SLC25A16: variants seen among roughly 807,000 people sequenced by gnomAD.
SLC25A16 encodes mitochondrial coenzyme A transporter SLC25A16.
In SLC25A16, 39 loss-of-function variants were observed where a neutral mutation model predicts 41.5. The observed-to-expected ratio is 0.94, with a 90% CI of 0.73 to 1.23. The LOEUF (loss-of-function observed/expected upper bound fraction) is 1.23, where lower values mean the gene tolerates loss of function less well. Ranked by LOEUF, SLC25A16 falls within the 50% of genes most tolerant of loss-of-function variation. The pLI, the probability that SLC25A16 is intolerant of heterozygous loss-of-function variation, is 0.00. For synonymous variants in SLC25A16, 146 were observed against 147.8 expected (o/e 0.99, Z 0.09); for missense variants, 421 against 426.9 (o/e 0.99, Z 0.12).
intron 4 of SLC25A16, among the ~76,000 whole-genome samples, chr10:68,495,381 C>A (rs774152983): frequency 7.2e-5 from 11 of 152,076 alleles, no homozygotes; most frequent in Non-Finnish European, 1.3e-4. Flanking sequence ...CACCACTGCA[C>A]TCCAGCCTGG....
Position 68,480,439 on chromosome 10 carries a change from T to C in SLC25A16, c.*2993A>G, listed in dbSNP as rs2052471454. On this transcript the variant is annotated 3_prime_UTR_variant, in exon 9 of 9. Transcript: ENST00000609923. ...CTATAACATATAGAATGCAAATTTT[T>C]ATTTAAAAGATATTTGCAATCCCCT... is the stretch of plus-strand genomic sequence containing the variant. 6.6e-6 allele frequency: 1 copy of C among 152,124 alleles called. No homozygotes were observed. The highest frequency in any genetic ancestry group is 6.6e-5 in the Admixed American group (1 of 15,234). The allele number at this position is 152,124 out of a possible 1,614,324, so 9.4% of individuals were successfully genotyped here.
At chr10:68,503,089 T>C (rs1476627609) in intron 4 of SLC25A16, 2 of 152,228 alleles carry the variant, frequency 1.3e-5, no homozygotes, top group Non-Finnish European at 2.9e-5. Flanking sequence ...GGAGCAGTTA[T>C]TACTTTAGTC....
Position 68,478,525 on chromosome 10 carries a change from C to T in SLC25A16, c.*4907G>A, listed in dbSNP as rs1411355663. The T allele has an allele frequency of 6.6e-6, 1 of 151,852 alleles. No individual in the cohort carries two copies. Among genetic ancestry groups the T allele is most frequent in the East Asian group, 1.9e-4 (1 of 5,184 alleles). 9.4% of individuals were successfully genotyped at this position (151,852 alleles called of 1,614,324 possible). On this transcript the variant is annotated 3_prime_UTR_variant, in exon 9 of 9. Transcript: ENST00000609923. ...TGGGGAAAAAAAATAAATAATTATA[C>T]ATAGGGTTTTTTAAAAAAACATTTT...
intron 1 of SLC25A16, among the ~76,000 whole-genome samples, chr10:68,525,505 G>A (rs1049999149): frequency 6.6e-6 from 1 of 152,140 alleles, no homozygotes; most frequent in South Asian, 2.1e-4. Context: ...TCAGGCTGGA[G>A]GGTAGTGGTG....
At chr10:68,508,395 G>A (rs895090920) in intron 2 of SLC25A16, among the ~76,000 whole-genome samples, 2 of 115,952 alleles carry the variant, frequency 1.7e-5, no homozygotes, top group Non-Finnish European at 3.4e-5. Context: ...GAGAGTAACA[G>A]GAAGCTTTAA....
intron 2 of SLC25A16, among the ~76,000 whole-genome samples, chr10:68,511,115 G>T (rs777682619): frequency 3.3e-5 from 5 of 151,892 alleles, no homozygotes; most frequent in Non-Finnish European, 7.4e-5. Flanking sequence ...GCAGGCACTT[G>T]TAATTCCAGC....
intron 4 of SLC25A16, among the ~76,000 whole-genome samples, chr10:68,497,874 C>T (rs977971592): frequency 2.0e-5 from 3 of 151,892 alleles, no homozygotes; most frequent in Admixed American, 6.6e-5. Flanking sequence ...GCTTGACCTC[C>T]CAAAATGCTA....
In SLC25A16 at chr10:68,523,175, C is replaced by T. The variant is rs574853853; in HGVS notation, c.130+4071G>A. Among the ~76,000 whole-genome samples the T allele has an allele frequency of 7.9e-5, 12 of 152,148 alleles. No individual in the cohort carries two copies. In the East Asian group the frequency reaches 1.2e-3, roughly 15 times the overall value. ...TGCGATCTGGGCTTACTGCGACCTC[C>T]GCCTCTCGCGTTCAAGTGATTCTCC... On this transcript the variant is annotated intron_variant, in intron 1 of 8. Transcript: ENST00000609923.
At chr10:68,499,668 C>T in intron 4 of SLC25A16, 1 of 359,930 alleles carries the variant, frequency 2.8e-6, no homozygotes, top group Non-Finnish European at 5.5e-6. Context: ...AATGTGTGAT[C>T]CATGCCCATC....
chr10:68,498,323 CTTT>C (rs55736260), intron 4 of SLC25A16, among the ~76,000 whole-genome samples: 3 of 140,276 alleles, frequency 2.1e-5, no homozygotes. Flanking sequence ...TTAACTTTTT[CTTT>C]TTTTTTTTTT....
rs375316109 is a variant in SLC25A16, at chr10:68,483,543, A to C, written c.888T>G (p.Ile296Met). Residue 296 changes from isoleucine (I) to methionine (M), a missense_variant, in exon 9 of 9, where the codon ATT becomes ATG. Ile to Met is a conservative substitution (Grantham distance 10). Coordinates refer to ENST00000609923, the MANE Select transcript of SLC25A16 (RefSeq NM_152707.4). ...TMKYVYGHHG[I>M]RKGLYRGLSL... The stretch of plus-strand genomic sequence containing the variant: ...ATAAACCACGATAGAGTCCTTTTCG[A>C]ATTCCATGGTGTCCATAGACATACT... 60 of 1,611,880 alleles carry C rather than the reference A, an allele frequency of 3.7e-5. No homozygotes were observed. Among genetic ancestry groups the C allele is most frequent in the Non-Finnish European group, 4.8e-5 (57 of 1,178,820 alleles).
intron 1 of SLC25A16, among the ~76,000 whole-genome samples, chr10:68,523,705 C>T (rs931040258): frequency 1.3e-5 from 2 of 152,028 alleles, no homozygotes; most frequent in African/African-American, 4.8e-5. Flanking sequence ...GAACTCCTGA[C>T]CTCAGGTGAT....
At chr10:68,509,604 G>A (rs1363578361) in intron 2 of SLC25A16, among the ~76,000 whole-genome samples, 7 of 151,364 alleles carry the variant, frequency 4.6e-5, no homozygotes. Context: ...TCAGGAGGCT[G>A]AGGCAGGAAG....
chr10:68,496,096 C>A (rs536603311), intron 4 of SLC25A16, among the ~76,000 whole-genome samples: 1 of 152,294 alleles, frequency 6.6e-6, no homozygotes, highest in East Asian at 1.9e-4. Flanking sequence ...CTTTGAGAAT[C>A]AATTCATTTA....
At chr10:68,507,351 G>A (rs560650109) in intron 2 of SLC25A16, among the ~76,000 whole-genome samples, 2 of 152,040 alleles carry the variant, frequency 1.3e-5, no homozygotes, top group East Asian at 1.9e-4. Context: ...GATTACAGGC[G>A]TGACCCACTG....
chr10:68,517,181 T>C (rs781662539), intron 1 of SLC25A16: 4 of 1,009,550 alleles, frequency 4.0e-6, no homozygotes, highest in Admixed American at 5.9e-5. Flanking sequence ...TAACCTCCTC[T>C]TCTTCTGGAA....
chr10:68,492,597 G>T (rs546962648), intron 6 of SLC25A16, among the ~76,000 whole-genome samples: 1 of 151,900 alleles, frequency 6.6e-6, no homozygotes, highest in East Asian at 1.9e-4. Context: ...CAGGAGAATC[G>T]CCTGAACCCA....
chr10:68,524,744 G>T (rs1396396044), intron 1 of SLC25A16, among the ~76,000 whole-genome samples: 1 of 151,076 alleles, frequency 6.6e-6, no homozygotes, highest in Non-Finnish European at 1.5e-5. Flanking sequence ...TGGGCATGGT[G>T]GTGCACGCCT....
chr10:68,495,942 T>C (rs1221799526), intron 4 of SLC25A16, among the ~76,000 whole-genome samples: 1 of 152,118 alleles, frequency 6.6e-6, no homozygotes. Context: ...AATAAGTGGG[T>C]ACCCAAATCA....
Sources: gnomAD v4.1 joint callset for allele counts (sites outside exome capture counted in the v4.1 genomes callset) on GRCh38, gnomAD v4.1.1 for gene constraint, MANE v1.5 for transcripts, NCBI Gene and HGNC (gene_info 2026-07-23, HGNC 2026-07-21) for gene names.